Variants in GDNF observed in about 807,000 individuals in gnomAD.
GDNF encodes glial cell line-derived neurotrophic factor.
A neutral mutation model predicts 13.7 loss-of-function variants in GDNF; 5 were observed. That is an observed-to-expected ratio of 0.36 (90% CI 0.19 to 0.77). The LOEUF (loss-of-function observed/expected upper bound fraction) is 0.77, where lower values mean the gene tolerates loss of function less well. Ranked by LOEUF, GDNF falls within the 30% of genes least tolerant of loss-of-function variation. GDNF has a pLI of 0.51. For synonymous variants in GDNF, 122 were observed against 112.5 expected (o/e 1.08, Z -0.53); for missense variants, 246 against 274.3 (o/e 0.90, Z 0.73).
chr5:37,822,765 C>T (rs1233841986), intron 2 of GDNF, among the ~76,000 whole-genome samples: 2 of 152,014 alleles, frequency 1.3e-5, no homozygotes, highest in African/African-American at 2.4e-5. Flanking sequence ...CATACATATG[C>T]GTCTACACAC....
chr5:37,826,534 CT>C (rs1750318051), intron 2 of GDNF, among the ~76,000 whole-genome samples: 2 of 152,198 alleles, frequency 1.3e-5, no homozygotes, highest in Admixed American at 6.5e-5. Flanking sequence ...GCTGTGTGAG[CT>C]CTTCCGTGTT....
Position 37,815,973 on chromosome 5 carries a change from C to G in GDNF, c.314G>C (p.Gly105Ala). 6.2e-7 allele frequency: 1 copy of G among 1,614,128 alleles called. No homozygotes were observed. The change falls in exon 3 of 3, where the codon GGA (glycine) becomes GCA (alanine). Residue 105 changes from glycine to alanine, a missense_variant. By Grantham distance (60) the Gly-to-Ala change is moderately conservative. Transcript: ENST00000326524. The surrounding 1 kb of genome is among the most constrained non-coding windows in gnomAD (Gnocchi z 5.0). ...AAAANPENSR[G>A]KGRRGQRGKN... ...GCCCCTCTGGCCTCTCCGACCTTTT[C>G]CTCTGGAATTCTCTGGGTTGGCAGC...
rs73750371 is a variant in GDNF, at chr5:37,825,849, A to T, written c.151+8797T>A. Reference sequence around the variant, plus strand: ...AGAGAAGATGAAAGAAATCTTCTTTATCATTTGAATTTGTTTGGTAGATTC... The same window carrying T: ...AGAGAAGATGAAAGAAATCTTCTTTTTCATTTGAATTTGTTTGGTAGATTC... On this transcript the variant is annotated intron_variant, in intron 2 of 2. Transcript: ENST00000326524. 8.1e-3 allele frequency among the ~76,000 whole-genome samples: 1,235 copies of T among 152,326 alleles called. 15 individuals carry two copies. Among genetic ancestry groups the T allele is most frequent in the African/African-American group, 0.027 (1,128 of 41,570 alleles).
In GDNF at chr5:37,838,566, C is replaced by G. The variant is rs941915685; in HGVS notation, c.-27+941G>C. Among the ~76,000 whole-genome samples, 3 of 152,200 alleles carry G rather than the reference C, an allele frequency of 2.0e-5. No homozygotes were observed. Among genetic ancestry groups the G allele is most frequent in the Non-Finnish European group, 1.5e-5 (1 of 68,028 alleles). ...CTGGGATGGGTAAGCCCCCCGGGGG[C>G]GCGCACATGGGTCCTGGCGGCGGAT... On this transcript the variant is annotated intron_variant, in intron 1 of 2. Transcript: ENST00000326524. This position sits in a 1 kb window ranked among gnomAD's most constrained non-coding sequence, Gnocchi z 4.1.
At chr5:37,819,783 T>C (rs1581578739) in intron 2 of GDNF, among the ~76,000 whole-genome samples, 1 of 152,310 alleles carries the variant, frequency 6.6e-6, no homozygotes, top group African/African-American at 2.4e-5. Context: ...CTTTCCTTTG[T>C]ACTGCTTTCT....
chr5:37,820,886 T>C (rs1181722717), intron 2 of GDNF, among the ~76,000 whole-genome samples: 1 of 152,196 alleles, frequency 6.6e-6, no homozygotes. Flanking sequence ...GTTCAGGCCA[T>C]AGGCAACTCT....
chr5:37,828,794 G>T (rs886561305), intron 2 of GDNF, among the ~76,000 whole-genome samples: 1 of 152,208 alleles, frequency 6.6e-6, no homozygotes, highest in Non-Finnish European at 1.5e-5. Context: ...ATAGTTAAAA[G>T]GTGCTAGGTC....
chr5:37,817,582 CAACTT>C (rs1749977362), intron 2 of GDNF, among the ~76,000 whole-genome samples: 1 of 150,514 alleles, frequency 6.6e-6, no homozygotes, highest in Non-Finnish European at 1.5e-5. Flanking sequence ...CTAGCAAAAG[CAACTT>C]AACCACGTGT....
chr5:37,834,538 A>G, intron 2 of GDNF, 108 bp downstream of exon 2: 2 of 1,037,478 alleles, frequency 1.9e-6, no homozygotes, highest in South Asian at 1.8e-5. Context: ...ACGGGTCGGT[A>G]GGCCACACAG....
chr5:37,821,684 A>G (rs1346157667), intron 2 of GDNF, among the ~76,000 whole-genome samples: 1 of 152,190 alleles, frequency 6.6e-6, no homozygotes, highest in Non-Finnish European at 1.5e-5. Flanking sequence ...CCGGGGCACA[A>G]CTCTGGGAAC....
intron 2 of GDNF, chr5:37,824,602 T>G (rs1030658934): frequency 1.3e-5 from 2 of 152,254 alleles, no homozygotes; most frequent in African/African-American, 4.8e-5. Flanking sequence ...TTCAAAGTGA[T>G]GACTTTGACA....
Position 37,839,727 on chromosome 5 carries a change from C to T in GDNF, c.-247G>A. The T allele has an allele frequency of 6.6e-6, 1 of 152,316 alleles. No individual in the cohort carries two copies. The highest frequency in any genetic ancestry group is 1.5e-5 in the Non-Finnish European group (1 of 68,100). 9.4% of individuals were successfully genotyped at this position (152,316 alleles called of 1,614,324 possible). ...CCGCCGCCAACAGGGCGAGGGCTGCCGGCAACTCTCCCGCCGGGCCCCCGC... is the reference window on the plus strand; with the variant it reads ...CCGCCGCCAACAGGGCGAGGGCTGCTGGCAACTCTCCCGCCGGGCCCCCGC... On this transcript the variant is annotated 5_prime_UTR_variant, in exon 1 of 3. Transcript: ENST00000326524. The surrounding 1 kb of genome is among the most constrained non-coding windows in gnomAD (Gnocchi z 5.5).
chr5:37,817,807 G>A (rs1306375066), intron 2 of GDNF, among the ~76,000 whole-genome samples: 1 of 152,134 alleles, frequency 6.6e-6, no homozygotes, highest in Non-Finnish European at 1.5e-5. Flanking sequence ...AGTGGCCCCT[G>A]AACTGGGCTT....
chr5:37,816,242 C>A, intron 2 of GDNF, 107 bp from the exon 3 acceptor site: 3 of 1,062,042 alleles, frequency 2.8e-6, no homozygotes, highest in South Asian at 1.3e-5. Flanking sequence ...GGACCCACAG[C>A]AAAACTATCA....
At chr5:37,825,367 C>A (rs1750273525) in intron 2 of GDNF, among the ~76,000 whole-genome samples, 1 of 152,142 alleles carries the variant, frequency 6.6e-6, no homozygotes, top group East Asian at 1.9e-4. Flanking sequence ...ACAGCACAGT[C>A]CCCCTGGGTG....
chr5:37,820,871 C>T (rs1750112254), intron 2 of GDNF, among the ~76,000 whole-genome samples: 1 of 152,020 alleles, frequency 6.6e-6, no homozygotes, highest in African/African-American at 2.4e-5. Flanking sequence ...TTATTTAAAC[C>T]CCAAGTTCAG....
intron 2 of GDNF, among the ~76,000 whole-genome samples, chr5:37,828,477 T>C (rs1418871872): frequency 6.6e-6 from 1 of 152,258 alleles, no homozygotes. Flanking sequence ...CTTTTCTCTT[T>C]GCTTGCTTAA....
Position 37,834,728 on chromosome 5 carries a change from G to T in GDNF, c.69C>A (p.Pro23=), listed in dbSNP as rs778217769. Residue 23 remains proline (P), a synonymous_variant, in exon 2 of 3, where the codon CCC becomes CCA. Transcript: ENST00000326524. ...LLHTASAFPL[P]AGKRPPEAPA... is the part of the protein sequence containing the mutation. ...GCGCCTCGGGAGGCCTCTTACCGGCGGGCAGCGGGAAGGCGGACGCGGTGT... is the reference window on the plus strand; with the variant it reads ...GCGCCTCGGGAGGCCTCTTACCGGCTGGCAGCGGGAAGGCGGACGCGGTGT... 7 of 1,611,726 alleles carry T rather than the reference G, an allele frequency of 4.3e-6. No homozygotes were observed. Among genetic ancestry groups the T allele is most frequent in the African/African-American group, 4.0e-5 (3 of 74,840 alleles).
chr5:37,834,512 C>T (rs1193472100), intron 2 of GDNF, 134 bp downstream of exon 2: 4 of 828,182 alleles, frequency 4.8e-6, no homozygotes, highest in Non-Finnish European at 7.1e-6. Flanking sequence ...GGCTTCAGCA[C>T]CCGCACCCCT....
Sources: gnomAD v4.1 joint callset for allele counts (sites outside exome capture counted in the v4.1 genomes callset) on GRCh38, gnomAD v4.1.1 for gene constraint, Gnocchi (gnomAD v3.1) non-coding constraint, MANE v1.5 for transcripts, NCBI Gene and HGNC (gene_info 2026-07-23, HGNC 2026-07-21) for gene names.